Variants in PCDHB10 observed in about 807,000 individuals in gnomAD.
The protein encoded by PCDHB10 is protocadherin beta 10, also known as protocadherin beta-10.
For synonymous variants in PCDHB10, 448 were observed against 449.2 expected (o/e 1.00, Z 0.04); for missense variants, 1,046 against 1,004.7 (o/e 1.04, Z -0.56).
At position 141,194,152 on chromosome 5, in the gene PCDHB10, A is replaced by T. The variant is rs17844578; in HGVS notation, c.1600A>T (p.Thr534Ser). The T allele has an allele frequency of 1.2e-5, 20 of 1,604,506 alleles. No individual in the cohort carries two copies. Among genetic ancestry groups the T allele is most frequent in the Admixed American group, 8.4e-5 (5 of 59,632 alleles). The change falls in exon 1 of 1, where the codon ACA becomes TCA. Residue 534 changes from threonine (T) to serine (S), a missense_variant. By Grantham distance (58) the Thr-to-Ser change is moderately conservative (BLOSUM62 1). Coordinates refer to ENST00000239446, the MANE Select transcript of PCDHB10 (RefSeq NM_018930.4). ...LQAFEFRVGA[T>S]DRGSPALSRE... is the part of the protein sequence containing the mutation. ...GGCTTTCGAGTTCCGCGTGGGCGCCACAGACCGCGGCTCCCCCGCGCTGAG... is the reference window on the plus strand; with the variant it reads ...GGCTTTCGAGTTCCGCGTGGGCGCCTCAGACCGCGGCTCCCCCGCGCTGAG...
chr5:141,195,132 T>C lies in PCDHB10; in HGVS notation c.*177T>C. ...TTGCATTAATAACAACTGGGTTTAATTTAATGAGTATTTTTTTCTAAATGA... is the reference window on the plus strand; with the variant it reads ...TTGCATTAATAACAACTGGGTTTAACTTAATGAGTATTTTTTTCTAAATGA... On this transcript the variant is annotated 3_prime_UTR_variant, in exon 1 of 1. Coordinates refer to ENST00000239446, the MANE Select transcript of PCDHB10 (RefSeq NM_018930.4). 1.7e-6 allele frequency: 1 copy of C among 600,778 alleles called. No homozygotes were observed. The highest frequency in any genetic ancestry group is 2.8e-6 in the Non-Finnish European group (1 of 363,524). The allele number at this position is 600,778 out of a possible 1,614,324, so 37.2% of individuals were successfully genotyped here.
chr5:141,194,399 G>T lies in PCDHB10; in HGVS notation c.1847G>T (p.Gly616Val). The change falls in exon 1 of 1, where the codon GGT (glycine) becomes GTT (valine). Residue 616 changes from glycine (G) to valine (V), a missense_variant. Physicochemically the swap from Gly to Val is moderately radical, Grantham distance 109 (BLOSUM62 -3). Coordinates refer to ENST00000239446, the MANE Select transcript of PCDHB10 (RefSeq NM_018930.4). ...AAGGCCACGGAGCCCGGGCTGTTCG[G>T]TGTGTGGGCGCACAATGGGGAGGTG... Reference protein sequence around the residue: ...LLKATEPGLFGVWAHNGEVRT... With the variant: ...LLKATEPGLFVVWAHNGEVRT... 1 of 1,603,086 alleles carries T rather than the reference G, an allele frequency of 6.2e-7. No homozygotes were observed. Among genetic ancestry groups the T allele is most frequent in the Non-Finnish European group, 8.5e-7 (1 of 1,179,470 alleles).
rs951627326 is a variant in PCDHB10, at chr5:141,192,468, G to A, written c.-85G>A. Reference sequence around the variant, plus strand: ...ACAAAAAAGACCCCTGGGCTACACGGCGTAGGTGCAGGGTTTCCTACTGCT... The same window carrying A: ...ACAAAAAAGACCCCTGGGCTACACGACGTAGGTGCAGGGTTTCCTACTGCT... On this transcript the variant is annotated 5_prime_UTR_variant, in exon 1 of 1. Coordinates refer to ENST00000239446, the MANE Select transcript of PCDHB10 (RefSeq NM_018930.4). The A allele has an allele frequency of 4.8e-5, 72 of 1,515,234 alleles. No individual in the cohort carries two copies. Among genetic ancestry groups the A allele is most frequent in the Non-Finnish European group, 5.9e-5 (67 of 1,126,326 alleles). The allele number at this position is 1,515,234 out of a possible 1,614,324, so 93.9% of individuals were successfully genotyped here. A position where few individuals can be genotyped will look rare whatever the true frequency, so the allele number is the denominator to read the frequency against.
rs782302749 is a variant in PCDHB10 at position 141,194,709 on chromosome 5, C to A, written c.2157C>A (p.Ser719Arg). 1 of 1,610,262 alleles carries A rather than the reference C, an allele frequency of 6.2e-7. No homozygotes were observed. Among genetic ancestry groups the A allele is most frequent in the Non-Finnish European group, 8.5e-7 (1 of 1,179,814 alleles). ...LFVAVRLCRR[S>R]RAASVGRCSV... is the part of the protein sequence containing the mutation. ...TGGCGGTGCGGCTGTGCAGGAGGAG[C>A]AGGGCGGCCTCGGTGGGTCGCTGCT... is the stretch of plus-strand genomic sequence containing the variant. The change falls in exon 1 of 1, where the codon AGC (serine) becomes AGA (arginine). Residue 719 changes from serine (S) to arginine (R), a missense_variant. By Grantham distance (110) the Ser-to-Arg change is moderately radical. Coordinates refer to ENST00000239446, the MANE Select transcript of PCDHB10 (RefSeq NM_018930.4).
chr5:141,194,143 G>T lies in PCDHB10; in HGVS notation c.1591G>T (p.Val531Leu), dbSNP rs1554284297. Residue 531 changes from valine to leucine, a missense_variant, in exon 1 of 1, where the codon GTG becomes TTG. By Grantham distance (32) the Val-to-Leu change is conservative. Coordinates refer to ENST00000239446, the MANE Select transcript of PCDHB10 (RefSeq NM_018930.4). Reference sequence around the variant, plus strand: ...GGCCCTGCAGGCTTTCGAGTTCCGCGTGGGCGCCACAGACCGCGGCTCCCC... The same window carrying T: ...GGCCCTGCAGGCTTTCGAGTTCCGCTTGGGCGCCACAGACCGCGGCTCCCC... Reference protein sequence around the residue: ...YEALQAFEFRVGATDRGSPAL... With the variant: ...YEALQAFEFRLGATDRGSPAL... 1.9e-6 allele frequency: 3 copies of T among 1,604,914 alleles called. No homozygotes were observed. The highest frequency in any genetic ancestry group is 2.5e-6 in the Non-Finnish European group (3 of 1,177,134).
rs781935975 is a variant in PCDHB10 at position 141,192,847 on chromosome 5, A to G, written c.295A>G (p.Lys99Glu). ...KLDREKLCGPKEPCMLYFQIL... is the reference protein window; with the variant it reads ...KLDREKLCGPEEPCMLYFQIL... ...GGACCGAGAGAAGCTGTGTGGCCCT[A>G]AAGAGCCCTGTATGCTGTATTTCCA... is the stretch of plus-strand genomic sequence containing the variant. Residue 99 changes from lysine to glutamate, a missense_variant, in exon 1 of 1, where the codon AAA becomes GAA. Lys to Glu is a moderately conservative substitution (Grantham distance 56, BLOSUM62 1). Transcript: ENST00000239446. 22 of 1,612,904 alleles carry G rather than the reference A, an allele frequency of 1.4e-5. No homozygotes were observed. In the South Asian group the frequency reaches 1.8e-4, roughly 13 times the overall value.
chr5:141,192,429 G>A lies in PCDHB10; in HGVS notation c.-124G>A, dbSNP rs189582523. On this transcript the variant is annotated 5_prime_UTR_variant, in exon 1 of 1. Transcript: ENST00000239446. The stretch of plus-strand genomic sequence containing the variant: ...AGAGAAGCTTTAGCTGCCAAAGATT[G>A]GGAAAGGGAAAGGACAAAAAAGACC... 2.5e-5 allele frequency: 31 copies of A among 1,238,604 alleles called. No individual in the cohort carries two copies. Among genetic ancestry groups the A allele is most frequent in the African/African-American group, 4.5e-5 (3 of 66,030 alleles). The allele number at this position is 1,238,604 out of a possible 1,614,324, so 76.7% of individuals were successfully genotyped here.
In PCDHB10 at chr5:141,193,685, A is replaced by C; in HGVS notation, c.1133A>C (p.Asn378Thr). The change falls in exon 1 of 1, where the codon AAT (asparagine) becomes ACT (threonine). Residue 378 changes from asparagine (N) to threonine (T), a missense_variant. By Grantham distance (65) the Asn-to-Thr change is moderately conservative (BLOSUM62 0). Transcript: ENST00000239446. The part of the protein sequence containing the change: ...FKINDRDSGE[N>T]GKMVCYIQEN... ...ATTAATGACAGAGACTCTGGAGAAA[A>C]TGGAAAGATGGTTTGCTACATTCAA... The C allele has an allele frequency of 6.2e-7, 1 of 1,614,156 alleles. No individual in the cohort carries two copies. Among genetic ancestry groups the C allele is most frequent in the South Asian group, 1.1e-5 (1 of 91,076 alleles).
Position 141,193,166 on chromosome 5 carries a change from A to G in PCDHB10, c.614A>G (p.Gln205Arg), listed in dbSNP as rs1554283989. The change falls in exon 1 of 1, where the codon CAG becomes CGG. Residue 205 changes from glutamine (Q) to arginine (R), a missense_variant. By Grantham distance (43) the Gln-to-Arg change is conservative (BLOSUM62 1). Coordinates refer to ENST00000239446, the MANE Select transcript of PCDHB10 (RefSeq NM_018930.4). ...GACAAAGCACTGGATCGGGAGGAGC[A>G]GGGAGAGCTCAGCTTAACCCTCACA... ...VLDKALDREE[Q>R]GELSLTLTAL... 2 of 1,614,030 alleles carry G rather than the reference A, an allele frequency of 1.2e-6. No individual in the cohort carries two copies. The highest frequency in any genetic ancestry group is 1.3e-5 in the African/African-American group (1 of 74,894).
rs782027926 is a variant in PCDHB10 at position 141,194,377 on chromosome 5, G to T, written c.1825G>T (p.Ala609Ser). The change falls in exon 1 of 1, where the codon GCC becomes TCC. Residue 609 changes from alanine (A) to serine (S), a missense_variant. Physicochemically the swap from Ala to Ser is moderately conservative, Grantham distance 99. Transcript: ENST00000239446. ...NAWLSYQLLK[A>S]TEPGLFGVWA... ...CTGGCTGTCGTACCAGCTGCTCAAGGCCACGGAGCCCGGGCTGTTCGGTGT... is the reference window on the plus strand; with the variant it reads ...CTGGCTGTCGTACCAGCTGCTCAAGTCCACGGAGCCCGGGCTGTTCGGTGT... The T allele has an allele frequency of 1.2e-6, 2 of 1,602,508 alleles. No individual in the cohort carries two copies. Among genetic ancestry groups the T allele is most frequent in the East Asian group, 2.2e-5 (1 of 44,732 alleles).
chr5:141,194,636 C>G lies in PCDHB10; in HGVS notation c.2084C>G (p.Ala695Gly), dbSNP rs138601077. 0.016 allele frequency: 26,082 copies of G among 1,600,212 alleles called. 411 individuals carry two copies. The highest frequency in any genetic ancestry group is 0.02 in the Non-Finnish European group (23,346 of 1,178,344). Residue 695 changes from alanine to glycine, a missense_variant, in exon 1 of 1, where the codon GCG becomes GGG. Ala to Gly is a moderately conservative substitution (Grantham distance 60). Coordinates refer to ENST00000239446, the MANE Select transcript of PCDHB10 (RefSeq NM_018930.4). ...TTGCTCACCGTCTACCTGGTGGTGG[C>G]GTTGGCCTCGGTGTCTTCGCTCTTC... ...ADLLTVYLVV[A>G]LASVSSLFLL...
Position 141,192,357 on chromosome 5 carries a change from G to GCT in PCDHB10, c.-195_-194dup, listed in dbSNP as rs1176151639. 9 of 664,508 alleles carry GCT rather than the reference G, an allele frequency of 1.4e-5. No homozygotes were observed. In the Admixed American group the frequency reaches 2.6e-4, roughly 19 times the overall value. 41.2% of individuals were successfully genotyped at this position (664,508 alleles called of 1,614,324 possible). A position where few individuals can be genotyped will look rare whatever the true frequency, so the allele number is the denominator to read the frequency against. ...ACGGTTTGGGAATTGCTCTGAGGATGCTATGCAAGTCACTAATAAAGGAAG... is the reference window on the plus strand; with the variant it reads ...ACGGTTTGGGAATTGCTCTGAGGATGCTCTATGCAAGTCACTAATAAAGGAAG... On this transcript the variant is annotated 5_prime_UTR_variant, in exon 1 of 1. An upstream open reading frame in the 5' UTR gains an earlier in-frame stop. Coordinates refer to ENST00000239446, the MANE Select transcript of PCDHB10 (RefSeq NM_018930.4).
Position 141,193,805 on chromosome 5 carries a change from A to G in PCDHB10, c.1253A>G (p.Asn418Ser), listed in dbSNP as rs1753970327. ...GACAGAGAGATCAGAGCCGAGTACA[A>G]CATCACTATCACCGTCACTGACTTG... is the stretch of plus-strand genomic sequence containing the variant. The part of the protein sequence containing the change: ...ALDREIRAEY[N>S]ITITVTDLGT... Residue 418 changes from asparagine to serine, a missense_variant, in exon 1 of 1, where the codon AAC (asparagine) becomes AGC (serine). Transcript: ENST00000239446. The G allele has an allele frequency of 6.2e-7, 1 of 1,614,174 alleles. No individual in the cohort carries two copies. The highest frequency in any genetic ancestry group is 8.5e-7 in the Non-Finnish European group (1 of 1,180,040).
In PCDHB10 at chr5:141,192,353, G is replaced by T; in HGVS notation, c.-200G>T. On this transcript the variant is annotated 5_prime_UTR_variant, in exon 1 of 1. Coordinates refer to ENST00000239446, the MANE Select transcript of PCDHB10 (RefSeq NM_018930.4). Reference sequence around the variant, plus strand: ...AGAGACGGTTTGGGAATTGCTCTGAGGATGCTATGCAAGTCACTAATAAAG... The same window carrying T: ...AGAGACGGTTTGGGAATTGCTCTGATGATGCTATGCAAGTCACTAATAAAG... 1 of 649,158 alleles carries T rather than the reference G, an allele frequency of 1.5e-6. No individual in the cohort carries two copies. Among genetic ancestry groups the T allele is most frequent in the Admixed American group, 3.3e-5 (1 of 30,422 alleles). 40.2% of individuals were successfully genotyped at this position (649,158 alleles called of 1,614,324 possible).
In PCDHB10 at chr5:141,193,746, G is replaced by A. The variant is rs782436846; in HGVS notation, c.1194G>A (p.Glu398=). ...NLPFLLKPSV[E]NFYILITEGA... Reference sequence around the variant, plus strand: ...CATTCCTACTAAAACCTTCTGTGGAGAATTTTTACATCCTAATTACAGAAG... The same window carrying A: ...CATTCCTACTAAAACCTTCTGTGGAAAATTTTTACATCCTAATTACAGAAG... Residue 398 remains glutamate, a synonymous_variant, in exon 1 of 1, where the codon GAG becomes GAA. Transcript: ENST00000239446. The A allele has an allele frequency of 1.9e-6, 3 of 1,614,088 alleles. No homozygotes were observed. In the East Asian group the frequency reaches 6.7e-5, roughly 36 times the overall value.
chr5:141,194,934 C>G lies in PCDHB10; in HGVS notation c.2382C>G (p.Ser794Arg). Residue 794 changes from serine (S) to arginine (R), a missense_variant, in exon 1 of 1, where the codon AGC (serine) becomes AGG (arginine). Transcript: ENST00000239446. ...AAGAAAATTCCACCTTCCGAAATAGCTTTGGATTTAATATTCAGTAAAGTC... is the reference window on the plus strand; with the variant it reads ...AAGAAAATTCCACCTTCCGAAATAGGTTTGGATTTAATATTCAGTAAAGTC... ...KGEENSTFRN[S>R]FGFNIQ The G allele has an allele frequency of 1.2e-6, 2 of 1,609,190 alleles. No homozygotes were observed. Among genetic ancestry groups the G allele is most frequent in the Non-Finnish European group, 1.7e-6 (2 of 1,177,010 alleles).
rs782051570 is a variant in PCDHB10 at position 141,193,253 on chromosome 5, A to T, written c.701A>T (p.Asp234Val). ...GTSTVRIVVLDVNDNAPQFAQ... is the reference protein window; with the variant it reads ...GTSTVRIVVLVVNDNAPQFAQ... Reference sequence around the variant, plus strand: ...TCTACTGTACGCATCGTTGTCTTGGACGTCAATGACAATGCCCCACAGTTT... The same window carrying T: ...TCTACTGTACGCATCGTTGTCTTGGTCGTCAATGACAATGCCCCACAGTTT... The change falls in exon 1 of 1, where the codon GAC (aspartate) becomes GTC (valine). Residue 234 changes from aspartate to valine, a missense_variant. Coordinates refer to ENST00000239446, the MANE Select transcript of PCDHB10 (RefSeq NM_018930.4). 9.3e-6 allele frequency: 15 copies of T among 1,613,962 alleles called. No individual in the cohort carries two copies. Among genetic ancestry groups the T allele is most frequent in the Admixed American group, 1.7e-5 (1 of 59,996 alleles).
At position 141,194,236 on chromosome 5, in the gene PCDHB10, C is replaced by T. The variant is rs782102323; in HGVS notation, c.1684C>T (p.Leu562=). The change falls in exon 1 of 1, where the codon CTG becomes TTG. Residue 562 remains leucine (L), a synonymous_variant. Transcript: ENST00000239446. ...CGCCAACGACAACTCGCCCTTCGTG[C>T]TGTACCCGCTGCAGAACGGCTCCGC... is the stretch of plus-strand genomic sequence containing the variant. ...LDANDNSPFV[L]YPLQNGSAPC... The T allele has an allele frequency of 2.6e-5, 42 of 1,604,774 alleles. No individual in the cohort carries two copies. Among genetic ancestry groups the T allele is most frequent in the Non-Finnish European group, 3.1e-5 (37 of 1,178,194 alleles).
In PCDHB10 at chr5:141,192,592, G is replaced by T; in HGVS notation, c.40G>T (p.Val14Phe). The change falls in exon 1 of 1, where the codon GTC (valine) becomes TTC (phenylalanine). Residue 14 changes from valine to phenylalanine, a missense_variant. Physicochemically the swap from Val to Phe is conservative, Grantham distance 50. Transcript: ENST00000239446. Reference protein sequence around the residue: ...RELCFPRQRQVLFLFLFWGVS... With the variant: ...RELCFPRQRQFLFLFLFWGVS... ...GTTGTGCTTCCCAAGACAAAGGCAA[G>T]TCCTGTTTCTTTTTCTTTTTTGGGG... is the stretch of plus-strand genomic sequence containing the variant. 1 of 1,614,158 alleles carries T rather than the reference G, an allele frequency of 6.2e-7. No homozygotes were observed.
Sources: gnomAD v4.1 joint callset for allele counts on GRCh38, gnomAD v4.1.1 for gene constraint, MANE v1.5 for transcripts, NCBI Gene and HGNC (gene_info 2026-07-23, HGNC 2026-07-21) for gene names.